The following LGSN variants were observed in gnomAD, a reference collection of about 807,000 sequenced individuals.
LGSN encodes lengsin, lens protein with glutamine synthetase domain.
A neutral mutation model predicts 19.5 loss-of-function variants in LGSN; 21 were observed. That is an observed-to-expected ratio of 1.07 (90% confidence interval 0.76 to 1.55). The LOEUF (loss-of-function observed/expected upper bound fraction) is 1.55, where lower values mean the gene tolerates loss of function less well. Among genes scored for constraint, LGSN ranks in the 40% most tolerant of loss-of-function variants. The pLI, the probability that LGSN is intolerant of heterozygous loss-of-function variation, is 0.00. For missense variants in LGSN, 673 were observed against 608.5 expected (o/e 1.11, Z -1.12); for synonymous variants, 257 against 215.6 (o/e 1.19, Z -1.68).
Position 63,319,744 on chromosome 6 carries a change from T to C in LGSN, c.30+170A>G, listed in dbSNP as rs1711917. On this transcript the variant is annotated intron_variant, in intron 1 of 3. Coordinates refer to ENST00000370657, the MANE Select transcript of LGSN (RefSeq NM_016571.3). ...GTTTAGTTTTTATTATCTTTATAAA[T>C]TCACTGTGTAGTACAGAAGGGCAAT... Among the ~76,000 whole-genome samples, 8,011 of 152,256 alleles carry C rather than the reference T, an allele frequency of 0.053. 706 individuals carry two copies. The highest frequency in any genetic ancestry group is 0.18 in the African/African-American group (7,560 of 41,514).
the LGSN span, among the ~76,000 whole-genome samples, chr6:63,529,108 T>C: frequency 6.8e-6 from 1 of 146,724 alleles, no homozygotes; most frequent in African/African-American, 2.5e-5. Context: ...TATATGTGTG[T>C]ATATATATAT....
chr6:63,569,834 C>A, the LGSN span, among the ~76,000 whole-genome samples: 2 of 152,124 alleles, frequency 1.3e-5, no homozygotes, highest in Non-Finnish European at 2.9e-5. Context: ...CTGTTAGAGA[C>A]CCACTTTAAA....
chr6:63,530,671 A>AT, the LGSN span, among the ~76,000 whole-genome samples: 1 of 152,204 alleles, frequency 6.6e-6, no homozygotes, highest in Non-Finnish European at 1.5e-5. Context: ...TATCATAAAG[A>AT]TTTTTTCAAA....
intron 1 of LGSN, among the ~76,000 whole-genome samples, chr6:63,319,109 A>C (rs1441295165): frequency 6.6e-6 from 1 of 152,148 alleles, no homozygotes; most frequent in Admixed American, 6.6e-5. Context: ...AACTGCTTGT[A>C]TTCACTATAC....
At chr6:63,330,092 G>C in the LGSN span, among the ~76,000 whole-genome samples, 1 of 152,184 alleles carries the variant, frequency 6.6e-6, no homozygotes, top group African/African-American at 2.4e-5. Context: ...CATCTGGTTG[G>C]GGCTTCTGAC....
At chr6:63,509,393 T>A in the LGSN span, among the ~76,000 whole-genome samples, 1 of 149,244 alleles carries the variant, frequency 6.7e-6, no homozygotes, top group Non-Finnish European at 1.5e-5. Context: ...GGATTTTTTT[T>A]AATAAAATGG....
chr6:63,549,566 G>GTTT, the LGSN span: 9 of 498,350 alleles, frequency 1.8e-5, no homozygotes, highest in African/African-American at 8.0e-5. Context: ...AAGATTTGAA[G>GTTT]TTTTTTTTTT....
intron 2 of LGSN, among the ~76,000 whole-genome samples, chr6:63,287,942 G>A (rs1371061092): frequency 6.6e-6 from 1 of 152,042 alleles, no homozygotes; most frequent in Non-Finnish European, 1.5e-5. Flanking sequence ...TTGGCTGGGT[G>A]CAGTGGCTCA....
chr6:63,495,929 A>T, the LGSN span, among the ~76,000 whole-genome samples: 1 of 151,020 alleles, frequency 6.6e-6, no homozygotes, highest in African/African-American at 2.4e-5. Flanking sequence ...TAATTAATTA[A>T]TTTTTTTAAA....
the LGSN span, among the ~76,000 whole-genome samples, chr6:63,343,575 G>A: frequency 2.2e-4 from 33 of 152,134 alleles, no homozygotes; most frequent in African/African-American, 7.5e-4. Flanking sequence ...TACTCAAGCA[G>A]CAAGGAAGAG....
chr6:63,384,664 TG>T, the LGSN span, among the ~76,000 whole-genome samples: 6 of 152,086 alleles, frequency 3.9e-5, no homozygotes, highest in Non-Finnish European at 7.4e-5. Context: ...TTTACAGGTA[TG>T]CACTACTACA....
chr6:63,416,230 C>T, the LGSN span, among the ~76,000 whole-genome samples: 1 of 151,416 alleles, frequency 6.6e-6, no homozygotes, highest in Non-Finnish European at 1.5e-5. Flanking sequence ...CTCAAATGCT[C>T]CTAAGACAAA....
intron 1 of LGSN, among the ~76,000 whole-genome samples, chr6:63,299,885 T>G (rs1424430808): frequency 2.0e-5 from 3 of 152,198 alleles, no homozygotes; most frequent in Non-Finnish European, 4.4e-5. Flanking sequence ...TTGCTATATG[T>G]TTTAGGGTCA....
At chr6:63,384,730 T>C in the LGSN span, among the ~76,000 whole-genome samples, 1 of 152,120 alleles carries the variant, frequency 6.6e-6, no homozygotes, top group South Asian at 2.1e-4. Flanking sequence ...TTGGTCAAGC[T>C]AGCTGGTCTC....
the LGSN span, among the ~76,000 whole-genome samples, chr6:63,563,790 G>A: frequency 6.6e-6 from 1 of 152,092 alleles, no homozygotes; most frequent in Non-Finnish European, 1.5e-5. Flanking sequence ...GAGGCCCTAG[G>A]ACAAAACTCC....
the LGSN span, among the ~76,000 whole-genome samples, chr6:63,482,890 G>A: frequency 2.6e-5 from 4 of 152,100 alleles, no homozygotes; most frequent in East Asian, 1.9e-4. Flanking sequence ...TAGTAGAGAC[G>A]GGGTTTCGCC....
the LGSN span, among the ~76,000 whole-genome samples, chr6:63,366,221 G>A: frequency 6.6e-6 from 1 of 152,186 alleles, no homozygotes; most frequent in Admixed American, 6.5e-5. Flanking sequence ...TCCTTAAGCT[G>A]ATAAGCAACT....
chr6:63,562,848 T>C, the LGSN span, among the ~76,000 whole-genome samples: 1 of 152,252 alleles, frequency 6.6e-6, no homozygotes, highest in South Asian at 2.1e-4. Flanking sequence ...TTCTGGTTTA[T>C]TCCCTACAAA....
the LGSN span, among the ~76,000 whole-genome samples, chr6:63,450,340 G>A: frequency 6.6e-5 from 10 of 151,238 alleles, no homozygotes; most frequent in African/African-American, 2.4e-4. Context: ...CAGCCTGGGC[G>A]ACAGAGTGAG....
Sources: allele counts gnomAD v4.1 joint callset (sites outside exome capture counted in the v4.1 genomes callset), GRCh38; gene constraint gnomAD v4.1.1; transcripts MANE v1.5; gene names NCBI Gene and HGNC (gene_info 2026-07-23, HGNC 2026-07-21).